The following MYOM1 variants were observed in gnomAD, a reference collection of about 807,000 sequenced individuals.
MYOM1 encodes the protein myomesin-1.
MYOM1 carries 164 observed loss-of-function variants against 205.3 expected under a neutral mutation model. That is an observed-to-expected ratio of 0.80 (90% CI 0.70 to 0.91). MYOM1 has a LOEUF of 0.91. Ranked by LOEUF, MYOM1 falls within the 40% of genes least tolerant of loss-of-function variation. The pLI is 0.00. For missense variants in MYOM1, 2,011 were observed against 2,127.3 expected, an observed-to-expected ratio of 0.95 and a Z score of 1.08; for synonymous variants, 772 against 789.4, an observed-to-expected ratio of 0.98 and a Z score of 0.37.
chr18:3,225,628 A>T, the MYOM1 span, among the ~76,000 whole-genome samples: 1 of 152,114 alleles, frequency 6.6e-6, no homozygotes, highest in Non-Finnish European at 1.5e-5. Context: ...CTCCTTTTGG[A>T]GGTGAAGGAG....
chr18:3,089,664 C>T (rs2079196282), intron 27 of MYOM1, 68 bp from the exon 28 acceptor site: 3 of 1,226,292 alleles, frequency 2.4e-6, no homozygotes, highest in Non-Finnish European at 3.5e-6. Context: ...TCAGCCACTG[C>T]ACTAAGTGAT....
intron 21 of MYOM1, among the ~76,000 whole-genome samples, chr18:3,116,103 G>C (rs1452147552): frequency 6.6e-6 from 1 of 152,194 alleles, no homozygotes; most frequent in Non-Finnish European, 1.5e-5. Flanking sequence ...GGAAGGAGCT[G>C]CTGGGTGCAT....
the MYOM1 span, among the ~76,000 whole-genome samples, chr18:3,234,315 T>C: frequency 2.0e-5 from 3 of 152,122 alleles, no homozygotes; most frequent in African/African-American, 2.4e-5. Context: ...CAGGAAACAG[T>C]AGAGGAAAAT....
chr18:3,135,037 C>G lies in MYOM1; in HGVS notation c.2210-213G>C, dbSNP rs2143908070. 2.1e-6 allele frequency: 1 copy of G among 474,798 alleles called. No homozygotes were observed. Among genetic ancestry groups the G allele is most frequent in the African/African-American group, 2.0e-5 (1 of 50,636 alleles). 29.4% of individuals were successfully genotyped at this position (474,798 alleles called of 1,614,324 possible). On this transcript the variant is annotated intron_variant, in intron 15 of 37. Coordinates refer to ENST00000356443, the MANE Select transcript of MYOM1 (RefSeq NM_003803.4). This position sits in a 1 kb window ranked among gnomAD's most constrained non-coding sequence, Gnocchi z 4.1. ...GATCTCGGCTCACTGCAGCCCCCAC[C>G]TCCTGGGTTCAGGCAATTTTCCCAC...
chr18:3,131,408 C>A lies in MYOM1; in HGVS notation c.2473G>T (p.Asp825Tyr). ...NAAGLSEYSQ[D>Y]SEAIEVKAAI... ...GCTTTGACTTCAATAGCTTCTGAAT[C>A]CTGGGAATATTCACTAAGTCCAGCT... The change falls in exon 17 of 38, where the codon GAT becomes TAT. Residue 825 changes from aspartate (D) to tyrosine (Y), a missense_variant. Physicochemically the swap from Asp to Tyr is radical, Grantham distance 160. Transcript: ENST00000356443. 6.2e-7 allele frequency: 1 copy of A among 1,613,856 alleles called. No homozygotes were observed. Among genetic ancestry groups the A allele is most frequent in the Non-Finnish European group, 8.5e-7 (1 of 1,179,828 alleles).
chr18:3,239,788 TTGAG>T, the MYOM1 span, among the ~76,000 whole-genome samples: 1,832 of 129,866 alleles, frequency 0.014, 73 homozygotes, highest in African/African-American at 0.054. Flanking sequence ...AAAAAAGAAA[TTGAG>T]AGAGCGGAGC....
intron 2 of MYOM1, among the ~76,000 whole-genome samples, chr18:3,205,239 T>G (rs921905731): frequency 6.6e-6 from 1 of 152,046 alleles, no homozygotes; most frequent in Non-Finnish European, 1.5e-5. Context: ...TCATCAAAAT[T>G]AAAAACTTCT....
intron 2 of MYOM1, among the ~76,000 whole-genome samples, chr18:3,202,423 A>C (rs2081080197): frequency 7.1e-6 from 1 of 139,998 alleles, no homozygotes; most frequent in Non-Finnish European, 1.5e-5. Flanking sequence ...CAACTAATCC[A>C]CTTATATGCT....
At chr18:3,148,020 A>G (rs1360142920) in intron 13 of MYOM1, among the ~76,000 whole-genome samples, 1 of 152,236 alleles carries the variant, frequency 6.6e-6, no homozygotes, top group Non-Finnish European at 1.5e-5. Context: ...TGCAAATCAA[A>G]GCCACAAAGA....
chr18:3,156,765 G>A (rs1183871233), intron 10 of MYOM1, among the ~76,000 whole-genome samples: 1 of 152,012 alleles, frequency 6.6e-6, no homozygotes, highest in Non-Finnish European at 1.5e-5. Context: ...CACCACCTAT[G>A]CCCGGCTAAT....
chr18:3,102,961 T>G (rs2079400842), intron 22 of MYOM1, among the ~76,000 whole-genome samples: 1 of 151,978 alleles, frequency 6.6e-6, no homozygotes, highest in African/African-American at 2.4e-5. Flanking sequence ...TCAATTGATC[T>G]TTATCAGACC....
upstream of MYOM1, among the ~76,000 whole-genome samples, chr18:3,223,129 C>T (rs1478322328): frequency 6.6e-6 from 1 of 152,196 alleles, no homozygotes; most frequent in Non-Finnish European, 1.5e-5. Flanking sequence ...AATCTGCCTG[C>T]CTTGGCCTCC....
At chr18:3,070,773 TGCAC>T (rs2078950609) in intron 37 of MYOM1, among the ~76,000 whole-genome samples, 3 of 147,368 alleles carry the variant, frequency 2.0e-5, no homozygotes, top group Non-Finnish European at 3.0e-5. Context: ...TGTGTGTGTG[TGCAC>T]GTGTGTGTGT....
At chr18:3,079,452 C>T (rs912621674) in intron 33 of MYOM1, 110 bp from the exon 34 acceptor site, 21 of 1,205,752 alleles carry the variant, frequency 1.7e-5, no homozygotes, top group African/African-American at 1.1e-4. Context: ...TTTCAAAAAA[C>T]GAGGGATCTG....
intron 18 of MYOM1, among the ~76,000 whole-genome samples, chr18:3,127,536 T>C (rs1035794941): frequency 6.6e-5 from 10 of 151,876 alleles, no homozygotes; most frequent in Non-Finnish European, 8.8e-5. Context: ...CTCGAACTCC[T>C]GACCTTAGGT....
intron 3 of MYOM1, among the ~76,000 whole-genome samples, chr18:3,192,016 G>A (rs970563950): frequency 2.0e-5 from 3 of 152,030 alleles, no homozygotes; most frequent in Non-Finnish European, 4.4e-5. Flanking sequence ...TTTTATCACA[G>A]TGTATTTGTA....
intron 2 of MYOM1, among the ~76,000 whole-genome samples, chr18:3,198,752 C>T (rs962902743): frequency 1.0e-4 from 15 of 150,508 alleles, no homozygotes; most frequent in Non-Finnish European, 1.2e-4. Flanking sequence ...CACTGCCCTC[C>T]AGCCTGGGTG....
intron 2 of MYOM1, among the ~76,000 whole-genome samples, chr18:3,200,817 T>G (rs79461619): frequency 2.6e-5 from 4 of 152,146 alleles, no homozygotes; most frequent in African/African-American, 9.6e-5. Context: ...GAAAATATAT[T>G]TGAAGAAATA....
chr18:3,110,144 C>T (rs2079505006), intron 22 of MYOM1, among the ~76,000 whole-genome samples: 1 of 152,178 alleles, frequency 6.6e-6, no homozygotes, highest in South Asian at 2.1e-4. Flanking sequence ...AATTCTTTCT[C>T]ATATAAAGTG....
Sources: allele counts gnomAD v4.1 joint callset (sites outside exome capture counted in the v4.1 genomes callset), GRCh38; gene constraint gnomAD v4.1.1; non-coding constraint Gnocchi (gnomAD v3.1); transcripts MANE v1.5; gene names NCBI Gene and HGNC (gene_info 2026-07-23, HGNC 2026-07-21).